FAM186A: variants seen among roughly 807,000 people sequenced by gnomAD.
The protein encoded by FAM186A is protein FAM186A.
FAM186A carries 163 observed loss-of-function variants against 216.8 expected under a neutral mutation model. The observed-to-expected ratio is 0.75, with a 90% CI of 0.66 to 0.86. The LOEUF (loss-of-function observed/expected upper bound fraction) is 0.86, where lower values mean the gene tolerates loss of function less well. Ranked by LOEUF, FAM186A falls within the 40% of genes least tolerant of loss-of-function variation. FAM186A has a pLI of 0.00. For missense variants in FAM186A, 2,184 were observed against 2,746.2 expected (o/e 0.80, Z 4.58); for synonymous variants, 805 against 1,025.3 (o/e 0.79, Z 4.10).
chr12:50,372,998 TGAAAGAAAGAAAGAAA>T (rs71083549), intron 1 of FAM186A, among the ~76,000 whole-genome samples: 577 of 48,920 alleles, frequency 0.012, 13 homozygotes, highest in African/African-American at 0.04. Flanking sequence ...AAGGAAGGAA[TGAAAGAAAGAAAGAAA>T]GAAAGAAAGA....
Position 50,330,754 on chromosome 12 carries a change from G to C in FAM186A, c.6853C>G (p.Gln2285Glu), listed in dbSNP as rs768185324. The change falls in exon 7 of 8, where the codon CAA becomes GAA. Residue 2285 changes from glutamine to glutamate, a missense_variant. Gln to Glu is a conservative substitution (Grantham distance 29, BLOSUM62 2). This residue lies in a region of FAM186A where 721 missense variants were observed against 816.4 expected (regional missense o/e 0.88). Coordinates refer to ENST00000327337, the MANE Select transcript of FAM186A (RefSeq NM_001145475.3). ...TSDICKKFRQ[Q>E]EDQTEAIWNV... ...CAGATGGCCTCTGTCTGGTCCTCTT[G>C]TTGCCTACAGAATCAGCATAAATTG... 6.6e-7 allele frequency: 1 copy of C among 1,513,172 alleles called. No individual in the cohort carries two copies. The highest frequency in any genetic ancestry group is 8.8e-7 in the Non-Finnish European group (1 of 1,133,878). The allele number at this position is 1,513,172 out of a possible 1,614,324, so 93.7% of individuals were successfully genotyped here. A position where few individuals can be genotyped will look rare whatever the true frequency, so the allele number is the denominator to read the frequency against.
intron 1 of FAM186A, among the ~76,000 whole-genome samples, chr12:50,395,958 T>A (rs1943408489): frequency 2.0e-5 from 3 of 151,962 alleles, no homozygotes; most frequent in Non-Finnish European, 4.4e-5. Flanking sequence ...AAACGGTGGT[T>A]TCTCCATGTT....
chr12:50,379,455 G>GA lies in FAM186A; in HGVS notation c.193-16092dup, dbSNP rs372456497. On this transcript the variant is annotated intron_variant, in intron 1 of 7. Coordinates refer to ENST00000327337, the MANE Select transcript of FAM186A (RefSeq NM_001145475.3). ...ACTCCCTCTCAAAAAAAAAAAGAAAGAAAAAAAGAGGGAAAAACAAAAACA... is the reference window on the plus strand; with the variant it reads ...ACTCCCTCTCAAAAAAAAAAAGAAAGAAAAAAAAGAGGGAAAAACAAAAACA... Among the ~76,000 whole-genome samples the GA allele has an allele frequency of 1.1e-4, 5 of 47,490 alleles. 1 individual carries two copies. Among genetic ancestry groups the GA allele is most frequent in the Admixed American group, 3.3e-4 (1 of 3,068 alleles). The allele number at this position is 47,490 out of a possible 152,430, so 31.2% of individuals were successfully genotyped here. A position where few individuals can be genotyped will look rare whatever the true frequency, so the allele number is the denominator to read the frequency against.
At chr12:50,381,826 G>C (rs558671712) in intron 1 of FAM186A, among the ~76,000 whole-genome samples, 2 of 152,194 alleles carry the variant, frequency 1.3e-5, no homozygotes, top group African/African-American at 2.4e-5. Context: ...CAGCATGGTG[G>C]CTTGTACCTG....
intron 1 of FAM186A, chr12:50,392,256 GTTGT>G (rs147405662): frequency 0.13 from 21,784 of 168,094 alleles, 1,902 homozygotes; most frequent in African/African-American, 0.25. Flanking sequence ...TCACAGGTTT[GTTGT>G]TTGTTTGTTT....
At chr12:50,342,755 G>T (rs1307488309) in intron 4 of FAM186A, among the ~76,000 whole-genome samples, 2 of 145,670 alleles carry the variant, frequency 1.4e-5, no homozygotes, top group East Asian at 4.1e-4. Context: ...TTACAGGCGT[G>T]AGCCACCGCT....
chr12:50,358,754 C>G (rs1486570858), intron 3 of FAM186A, among the ~76,000 whole-genome samples: 2 of 151,402 alleles, frequency 1.3e-5, no homozygotes, highest in East Asian at 3.9e-4. Flanking sequence ...GAAATTCCAT[C>G]TCTACTAAAA....
chr12:50,384,828 C>G (rs1489880723), intron 1 of FAM186A, among the ~76,000 whole-genome samples: 2 of 151,746 alleles, frequency 1.3e-5, no homozygotes, highest in Non-Finnish European at 2.9e-5. Context: ...TTTTTTGAGA[C>G]TGAGTCTTGC....
chr12:50,390,784 G>A (rs961965248), intron 1 of FAM186A, among the ~76,000 whole-genome samples: 1 of 152,112 alleles, frequency 6.6e-6, no homozygotes, highest in Non-Finnish European at 1.5e-5. Flanking sequence ...ATTGGTGAAA[G>A]GGCCTAGCAC....
intron 1 of FAM186A, among the ~76,000 whole-genome samples, chr12:50,378,572 ATACACATATGTAAATTG>A (rs1399727080): frequency 6.5e-4 from 8 of 12,284 alleles, no homozygotes; most frequent in South Asian, 6.1e-3. Context: ...ATATATATAT[ATACACATATGTAAATTG>A]TATATATATA....
At chr12:50,382,071 A>C (rs759992656) in intron 1 of FAM186A, among the ~76,000 whole-genome samples, 10 of 152,106 alleles carry the variant, frequency 6.6e-5, no homozygotes, top group Non-Finnish European at 1.5e-4. Context: ...CCTAAAAACC[A>C]CTTTAGGATT....
At position 50,331,700 on chromosome 12, in the gene FAM186A, T is replaced by C. The variant is rs1449052181; in HGVS notation, c.6818A>G (p.Asp2273Gly). 1 of 1,546,686 alleles carries C rather than the reference T, an allele frequency of 6.5e-7. No individual in the cohort carries two copies. Among genetic ancestry groups the C allele is most frequent in the African/African-American group, 1.4e-5 (1 of 72,800 alleles). ...TTTCTTGCATATGTCAGAGGTTCTG[T>C]CCTCTTCCATTAGTAATTTTAAGAA... ...KPFLKLLMEEDRTSDICKKFR... is the reference protein window; with the variant it reads ...KPFLKLLMEEGRTSDICKKFR... Residue 2273 changes from aspartate to glycine, a missense_variant, in exon 6 of 8, where the codon GAC becomes GGC. By Grantham distance (94) the Asp-to-Gly change is moderately conservative. Around this residue, in one of 7 missense-constraint regions of FAM186A, gnomAD observed 721 missense variants for 816.4 expected, o/e 0.88. Coordinates refer to ENST00000327337, the MANE Select transcript of FAM186A (RefSeq NM_001145475.3).
chr12:50,389,864 C>G (rs1188527999), intron 1 of FAM186A, among the ~76,000 whole-genome samples: 3 of 152,174 alleles, frequency 2.0e-5, no homozygotes, highest in Non-Finnish European at 4.4e-5. Context: ...GTAGAAATCA[C>G]CACTAAGGAA....
chr12:50,357,189 A>G (rs1387168560), intron 3 of FAM186A, among the ~76,000 whole-genome samples: 1 of 152,004 alleles, frequency 6.6e-6, no homozygotes, highest in African/African-American at 2.4e-5. Flanking sequence ...GTTCTTTCAA[A>G]AGTGTCATAA....
intron 1 of FAM186A, among the ~76,000 whole-genome samples, chr12:50,388,779 A>G (rs1943329448): frequency 6.6e-6 from 1 of 152,186 alleles, no homozygotes; most frequent in South Asian, 2.1e-4. Context: ...GTGCCTGGGC[A>G]CAGTGGCTCA....
chr12:50,354,970 T>A lies in FAM186A; in HGVS notation c.1862A>T (p.Glu621Val), dbSNP rs1474455277. The A allele has an allele frequency of 6.5e-7, 1 of 1,549,790 alleles. No individual in the cohort carries two copies. The highest frequency in any genetic ancestry group is 8.7e-7 in the Non-Finnish European group (1 of 1,146,678). ...HISSGTITSK[E>V]EKTEEKEELT... Reference sequence around the variant, plus strand: ...CTCTTCCTTCTCTTCAGTTTTTTCTTCTTTGCTTGTGATAGTTCCTGAAGA... The same window carrying A: ...CTCTTCCTTCTCTTCAGTTTTTTCTACTTTGCTTGTGATAGTTCCTGAAGA... Residue 621 changes from glutamate (E) to valine (V), a missense_variant, in exon 4 of 8, where the codon GAA becomes GTA. Glu to Val is a moderately radical substitution (Grantham distance 121, BLOSUM62 -2). Transcript: ENST00000327337.
At chr12:50,395,198 G>A (rs1044273924) in intron 1 of FAM186A, among the ~76,000 whole-genome samples, 4 of 152,062 alleles carry the variant, frequency 2.6e-5, no homozygotes, top group African/African-American at 9.7e-5. Context: ...GGGTTCAGGG[G>A]ATCCTCTGGC....
intron 3 of FAM186A, 64 bp downstream of exon 3, chr12:50,360,692 T>A: frequency 3.9e-6 from 5 of 1,294,242 alleles, no homozygotes; most frequent in South Asian, 1.8e-5. Context: ...AAAAAAAAAG[T>A]TGTTTCTCTA....
chr12:50,366,677 G>A lies in FAM186A; in HGVS notation c.193-3313C>T, dbSNP rs190884131. Among the ~76,000 whole-genome samples, 308 of 125,282 alleles carry A rather than the reference G, an allele frequency of 2.5e-3. 1 individual carries two copies. Among genetic ancestry groups the A allele is most frequent in the African/African-American group, 8.8e-3 (284 of 32,244 alleles). The allele number at this position is 125,282 out of a possible 152,430, so 82.2% of individuals were successfully genotyped here. ...GATCATCACAATTGATACAGAAAAA[G>A]CATTTGAAAATATTTAACACCCTTT... On this transcript the variant is annotated intron_variant, in intron 1 of 7. Coordinates refer to ENST00000327337, the MANE Select transcript of FAM186A (RefSeq NM_001145475.3).
Sources: gnomAD v4.1 joint callset for allele counts (sites outside exome capture counted in the v4.1 genomes callset) on GRCh38, gnomAD v4.1.1 for gene constraint, gnomAD v4.1.1 regional missense constraint, MANE v1.5 for transcripts, NCBI Gene and HGNC (gene_info 2026-07-23, HGNC 2026-07-21) for gene names.